Variants in TRPM7 observed in about 807,000 individuals in gnomAD.
TRPM7 encodes LTRPC ion channel family member 7.
A neutral mutation model predicts 229.7 loss-of-function variants in TRPM7; 134 were observed. That is an observed-to-expected ratio of 0.58 (90% CI 0.51 to 0.67). TRPM7 has a LOEUF of 0.67. Ranked by LOEUF, TRPM7 falls within the 30% of genes least tolerant of loss-of-function variation. TRPM7 has a pLI of 0.00. For synonymous variants in TRPM7, 699 were observed against 715.2 expected (o/e 0.98, Z 0.36); for missense variants, 1,901 against 2,210.0 (o/e 0.86, Z 2.80).
intron 1 of TRPM7, among the ~76,000 whole-genome samples, chr15:50,680,758 C>G (rs1206197280): frequency 6.6e-6 from 1 of 152,048 alleles, no homozygotes; most frequent in Non-Finnish European, 1.5e-5. Context: ...TGACATAACA[C>G]CTGTCATCTG....
At chr15:50,591,280 T>A (rs948094264) in intron 26 of TRPM7, among the ~76,000 whole-genome samples, 3 of 152,220 alleles carry the variant, frequency 2.0e-5, no homozygotes, top group Non-Finnish European at 4.4e-5. Context: ...GTCATCTATT[T>A]ATAGGGCACT....
chr15:50,634,861 AG>A (rs2140687164), intron 7 of TRPM7, among the ~76,000 whole-genome samples: 1 of 152,326 alleles, frequency 6.6e-6, no homozygotes, highest in East Asian at 1.9e-4. Flanking sequence ...ACTACTTAAA[AG>A]TAAAAATTTG....
chr15:50,597,954 C>T (rs1437915366), intron 22 of TRPM7, among the ~76,000 whole-genome samples: 1 of 151,890 alleles, frequency 6.6e-6, no homozygotes, highest in Non-Finnish European at 1.5e-5. Flanking sequence ...CAATGAAACC[C>T]TGGAAATAAC....
chr15:50,569,770 A>C, intron 38 of TRPM7, 117 bp downstream of exon 38: 1 of 527,544 alleles, frequency 1.9e-6, no homozygotes, highest in Non-Finnish European at 3.3e-6. Context: ...AGAGCTGCTG[A>C]AGCTGGCACA....
intron 10 of TRPM7, 76 bp from the exon 11 acceptor site, chr15:50,628,325 T>A: frequency 1.5e-5 from 14 of 963,708 alleles, no homozygotes; most frequent in Non-Finnish European, 2.1e-5. Flanking sequence ...TTTTTTTTTT[T>A]AAGAGATGGG....
chr15:50,590,614 C>T (rs1288011082), intron 26 of TRPM7, among the ~76,000 whole-genome samples: 1 of 151,974 alleles, frequency 6.6e-6, no homozygotes, highest in African/African-American at 2.4e-5. Context: ...TATATACATA[C>T]ACCCCACTGG....
chr15:50,628,330 G>T (rs2060628310), intron 10 of TRPM7, 81 bp from the exon 11 acceptor site: 3 of 935,628 alleles, frequency 3.2e-6, no homozygotes, highest in Non-Finnish European at 5.1e-6. Flanking sequence ...TTTTTTAAGA[G>T]ATGGGGTCTT....
chr15:50,611,428 ACT>A (rs1354818103), intron 16 of TRPM7, 107 bp from the exon 17 acceptor site: 1 of 818,904 alleles, frequency 1.2e-6, no homozygotes, highest in Non-Finnish European at 1.9e-6. Flanking sequence ...TCTCACACAC[ACT>A]TACAGAATTA....
chr15:50,678,426 C>G (rs1196562517), intron 1 of TRPM7, among the ~76,000 whole-genome samples: 1 of 150,624 alleles, frequency 6.6e-6, no homozygotes, highest in Admixed American at 6.6e-5. Context: ...TAAGCTGGCA[C>G]TCTCTGACTT....
intron 36 of TRPM7, among the ~76,000 whole-genome samples, chr15:50,571,232 T>C (rs1391057171): frequency 1.3e-4 from 20 of 152,350 alleles, no homozygotes; most frequent in Non-Finnish European, 2.9e-5. Flanking sequence ...GAATATTCCA[T>C]ACTGGAAAGA....
Position 50,680,583 on chromosome 15 carries a change from C to A in TRPM7, c.3+5948G>T, listed in dbSNP as rs1447528065. On this transcript the variant is annotated intron_variant, in intron 1 of 38. Coordinates refer to ENST00000646667, the MANE Select transcript of TRPM7 (RefSeq NM_017672.6). ...GACACTTGTCTCAAAAAAAAAAAAA[C>A]AAAAACCAGACAACTGAGTTGTAAA... Among the ~76,000 whole-genome samples, 62 of 147,194 alleles carry A rather than the reference C, an allele frequency of 4.2e-4. No individual in the cohort carries two copies. The East Asian group carries it at 5.9e-3, about 14-fold the overall frequency.
At chr15:50,616,136 G>T (rs1033514134) in intron 13 of TRPM7, among the ~76,000 whole-genome samples, 8 of 151,704 alleles carry the variant, frequency 5.3e-5, no homozygotes, top group Admixed American at 6.6e-5. Flanking sequence ...ACTTGAAGAA[G>T]AAATTTTTAA....
chr15:50,635,681 A>T (rs1323477601), intron 7 of TRPM7, among the ~76,000 whole-genome samples: 1 of 129,152 alleles, frequency 7.7e-6, no homozygotes, highest in Non-Finnish European at 1.7e-5. Context: ...AAAAAAAAAA[A>T]AAAAAAAAAA....
chr15:50,605,111 T>G lies in TRPM7; in HGVS notation c.2743A>C (p.Lys915Gln). ...FMSEAGKVNQ[K>Q]IKVWFSDYFN... ...TAATCACTAAACCATACTTTAATCT[T>G]CTGGTTTACTTTCCCAGCTTCAGAC... Residue 915 changes from lysine (K) to glutamine (Q), a missense_variant, in exon 21 of 39, where the codon AAG (lysine) becomes CAG (glutamine). Transcript: ENST00000646667. 1 of 1,605,052 alleles carries G rather than the reference T, an allele frequency of 6.2e-7. No homozygotes were observed. Among genetic ancestry groups the G allele is most frequent in the Non-Finnish European group, 8.5e-7 (1 of 1,176,638 alleles).
In TRPM7 at chr15:50,686,682, A is replaced by C; in HGVS notation, c.-149T>G. The C allele has an allele frequency of 1.3e-5, 13 of 1,022,924 alleles. No individual in the cohort carries two copies. The highest frequency in any genetic ancestry group is 1.4e-5 in the Non-Finnish European group (10 of 718,070). 63.4% of individuals were successfully genotyped at this position (1,022,924 alleles called of 1,614,324 possible). A position where few individuals can be genotyped will look rare whatever the true frequency, so the allele number is the denominator to read the frequency against. On this transcript the variant is annotated 5_prime_UTR_variant, in exon 1 of 39. Transcript: ENST00000646667. Reference sequence around the variant, plus strand: ...AGGGAAACCTTCTCAGAACTAACTCAGCTCCGGCGCTAGCAGCAGAAGCCG... The same window carrying C: ...AGGGAAACCTTCTCAGAACTAACTCCGCTCCGGCGCTAGCAGCAGAAGCCG...
intron 11 of TRPM7, among the ~76,000 whole-genome samples, chr15:50,624,669 T>C (rs2060507006): frequency 6.6e-6 from 1 of 152,168 alleles, no homozygotes; most frequent in Non-Finnish European, 1.5e-5. Flanking sequence ...TTGAGTGCTG[T>C]TACTAACATT....
intron 31 of TRPM7, among the ~76,000 whole-genome samples, chr15:50,577,235 T>A (rs1216566249): frequency 6.6e-6 from 1 of 151,892 alleles, no homozygotes; most frequent in Admixed American, 6.6e-5. Flanking sequence ...GGGGAAAAAA[T>A]GTAAAGTGGA....
At chr15:50,635,604 A>C (rs1417203498) in intron 7 of TRPM7, among the ~76,000 whole-genome samples, 5 of 145,008 alleles carry the variant, frequency 3.4e-5, no homozygotes. Flanking sequence ...CGAAAGTTGC[A>C]GTGAGCTGAG....
chr15:50,684,294 C>A (rs1034131891), intron 1 of TRPM7, among the ~76,000 whole-genome samples: 1 of 151,758 alleles, frequency 6.6e-6, no homozygotes, highest in Non-Finnish European at 1.5e-5. Flanking sequence ...CTAGGATTAC[C>A]ACGCCCGATT....
Sources: gnomAD v4.1 joint callset for allele counts (sites outside exome capture counted in the v4.1 genomes callset) on GRCh38, gnomAD v4.1.1 for gene constraint, MANE v1.5 for transcripts, NCBI Gene and HGNC (gene_info 2026-07-23, HGNC 2026-07-21) for gene names.